Variants in REEP5 observed in about 807,000 individuals in gnomAD.
REEP5 encodes the protein receptor expression-enhancing protein 5.
A neutral mutation model predicts 22.4 loss-of-function variants in REEP5; 24 were observed. That is an observed-to-expected ratio of 1.07 (90% confidence interval 0.78 to 1.51). The LOEUF is 1.51. REEP5 is among the 40% of genes most tolerant of loss of function. The pLI is 0.00. For missense variants in REEP5, 252 were observed against 233.0 expected, an observed-to-expected ratio of 1.08 and a Z score of -0.53; for synonymous variants, 103 against 88.6, an observed-to-expected ratio of 1.16 and a Z score of -0.92.
In REEP5 at chr5:112,902,447, A is replaced by C; in HGVS notation, c.284T>G (p.Val95Gly). Residue 95 changes from valine to glycine, a missense_variant, in exon 3 of 5, where the codon GTG (valine) becomes GGG (glycine). By Grantham distance (109) the Val-to-Gly change is moderately radical. Transcript: ENST00000379638. ...QWLTYWVVYG[V>G]FSIAEFFSDI... is the part of the protein sequence containing the mutation. ...AGAGAAGAATTCAGCAATGCTGAAC[A>C]CACCATACACTACCCAGTAGGTCAG... 6.2e-7 allele frequency: 1 copy of C among 1,613,370 alleles called. No individual in the cohort carries two copies. Among genetic ancestry groups the C allele is most frequent in the Non-Finnish European group, 8.5e-7 (1 of 1,179,580 alleles).
At chr5:112,883,404 TCTC>T (rs765824253) in intron 4 of REEP5, among the ~76,000 whole-genome samples, 8 of 152,114 alleles carry the variant, frequency 5.3e-5, no homozygotes, top group Non-Finnish European at 8.8e-5. Context: ...ACAGATCACT[TCTC>T]CTCTCTGAAA....
intron 3 of REEP5, among the ~76,000 whole-genome samples, chr5:112,900,946 T>A (rs1328855778): frequency 2.0e-5 from 3 of 151,998 alleles, no homozygotes; most frequent in African/African-American, 7.2e-5. Context: ...CAAGCAGTTC[T>A]CCTGCCTCAC....
chr5:112,890,777 G>A (rs1223888916), intron 3 of REEP5, among the ~76,000 whole-genome samples: 2 of 150,738 alleles, frequency 1.3e-5, no homozygotes, highest in Non-Finnish European at 2.9e-5. Context: ...TGGACTCAAA[G>A]AAACTAACTT....
chr5:112,886,397 T>G (rs1426819631), intron 4 of REEP5, among the ~76,000 whole-genome samples: 2 of 152,208 alleles, frequency 1.3e-5, no homozygotes, highest in Non-Finnish European at 2.9e-5. Context: ...ACAAGTGTCT[T>G]AGAGTAGACA....
intron 3 of REEP5, chr5:112,893,859 A>G (rs968201967): frequency 3.3e-5 from 5 of 152,184 alleles, no homozygotes; most frequent in Non-Finnish European, 4.4e-5. Context: ...TTTCCCAGCA[A>G]CTCTGCTCTA....
chr5:112,922,163 C>G lies in REEP5; in HGVS notation c.28G>C (p.Asp10His). The G allele has an allele frequency of 1.2e-6, 2 of 1,607,994 alleles. No individual in the cohort carries two copies. The highest frequency in any genetic ancestry group is 1.7e-6 in the Non-Finnish European group (2 of 1,177,378). Reference protein sequence around the residue: MSAAMRERFDRFLHEKNCMT... With the variant: MSAAMRERFHRFLHEKNCMT... ...CAGTTCTTCTCGTGCAGGAACCGGT[C>G]GAACCTCTCCCTCATGGCCGCAGAC... The change falls in exon 1 of 5, where the codon GAC becomes CAC. Residue 10 changes from aspartate (D) to histidine (H), a missense_variant. Coordinates refer to ENST00000379638, the MANE Select transcript of REEP5 (RefSeq NM_005669.5).
In REEP5 at chr5:112,922,143, C is replaced by A. The variant is rs759760526; in HGVS notation, c.48G>T (p.Lys16Asn). 4 of 1,607,704 alleles carry A rather than the reference C, an allele frequency of 2.5e-6. 1 individual carries two copies. In the South Asian group the frequency reaches 4.4e-5, roughly 18 times the overall value. ...TGGCCAGAAGGTCAGTCATGCAGTT[C>A]TTCTCGTGCAGGAACCGGTCGAACC... The part of the protein sequence containing the change: ...RERFDRFLHE[K>N]NCMTDLLAKL... Residue 16 changes from lysine to asparagine, a missense_variant, in exon 1 of 5, where the codon AAG (lysine) becomes AAT (asparagine). Coordinates refer to ENST00000379638, the MANE Select transcript of REEP5 (RefSeq NM_005669.5).
At chr5:112,891,030 G>A (rs996909516) in intron 3 of REEP5, among the ~76,000 whole-genome samples, 5 of 150,428 alleles carry the variant, frequency 3.3e-5, no homozygotes, top group African/African-American at 1.2e-4. Context: ...TTTCAGTAGG[G>A]GAAAGCAAAT....
At chr5:112,907,498 G>A (rs75281600) in intron 2 of REEP5, among the ~76,000 whole-genome samples, 2,778 of 152,282 alleles carry the variant, frequency 0.018, 85 homozygotes, top group African/African-American at 0.063. Context: ...GATATCAAGA[G>A]AAGCCAGGGC....
chr5:112,893,094 T>TAA (rs552226372), intron 3 of REEP5: 1,627 of 498,942 alleles, frequency 3.3e-3, no homozygotes, highest in South Asian at 6.8e-3. Context: ...GTTTTGTTCT[T>TAA]AAAAAAAAAA....
chr5:112,913,379 AAGAG>A (rs912724187), intron 2 of REEP5, among the ~76,000 whole-genome samples: 4 of 34,324 alleles, frequency 1.2e-4, no homozygotes, highest in African/African-American at 9.6e-4. Flanking sequence ...AGAAGAAAGA[AAGAG>A]AAAGAAAGAG....
chr5:112,882,601 C>G (rs1455543016), intron 4 of REEP5, among the ~76,000 whole-genome samples: 1 of 152,210 alleles, frequency 6.6e-6, no homozygotes, highest in East Asian at 1.9e-4. Context: ...TTTAACACTG[C>G]CTGACAGTCC....
At chr5:112,913,391 GAGA>G (rs1561659582) in intron 2 of REEP5, among the ~76,000 whole-genome samples, 6 of 133,928 alleles carry the variant, frequency 4.5e-5, no homozygotes, top group Non-Finnish European at 9.5e-5. Context: ...GAGAAAGAAA[GAGA>G]AAGAAAGAAA....
chr5:112,877,637 T>C lies in REEP5; in HGVS notation c.*1149A>G, dbSNP rs904162236. The C allele has an allele frequency of 3.3e-5, 5 of 152,138 alleles. No individual in the cohort carries two copies. The highest frequency in any genetic ancestry group is 1.2e-4 in the African/African-American group (5 of 41,422). 9.4% of individuals were successfully genotyped at this position (152,138 alleles called of 1,614,324 possible). A position where few individuals can be genotyped will look rare whatever the true frequency, so the allele number is the denominator to read the frequency against. ...TTAAAGGCCAGAGAAAAACTGAAGATAGATTGACTTAACTATTGCCAAGCA... is the reference window on the plus strand; with the variant it reads ...TTAAAGGCCAGAGAAAAACTGAAGACAGATTGACTTAACTATTGCCAAGCA... On this transcript the variant is annotated 3_prime_UTR_variant, in exon 5 of 5. Coordinates refer to ENST00000379638, the MANE Select transcript of REEP5 (RefSeq NM_005669.5).
chr5:112,878,848 T>G lies in REEP5; in HGVS notation c.521-13A>C. On this transcript the variant is annotated splice_polypyrimidine_tract_variant and intron_variant, in intron 4 of 4. Coordinates refer to ENST00000379638, the MANE Select transcript of REEP5 (RefSeq NM_005669.5). ...GTAGCTTTCTTCGCTGTTTGTTTGTTAGGAGGGAAAGAAAAATATATCAAA... is the reference window on the plus strand; with the variant it reads ...GTAGCTTTCTTCGCTGTTTGTTTGTGAGGAGGGAAAGAAAAATATATCAAA... The G allele has an allele frequency of 6.2e-7, 1 of 1,613,982 alleles. No homozygotes were observed. Among genetic ancestry groups the G allele is most frequent in the Non-Finnish European group, 8.5e-7 (1 of 1,179,986 alleles).
rs148583569 is a variant in REEP5 at position 112,921,242 on chromosome 5, C to G, written c.133G>C (p.Val45Leu). Residue 45 changes from valine (V) to leucine (L), a missense_variant, in exon 2 of 5, where the codon GTG becomes CTG. Coordinates refer to ENST00000379638, the MANE Select transcript of REEP5 (RefSeq NM_005669.5). ...SFIALGVIGL[V>L]ALYLVFGYGA... is the part of the protein sequence containing the mutation. ...TAACCGAACACCAGGTACAAGGCCA[C>G]CAGTCCGATGACACCTGGGGACCAC... 49 of 1,614,034 alleles carry G rather than the reference C, an allele frequency of 3.0e-5. No homozygotes were observed. In the Middle Eastern group the frequency reaches 1.2e-3, roughly 38 times the overall value.
chr5:112,884,778 G>A (rs998673318), intron 4 of REEP5, among the ~76,000 whole-genome samples: 1 of 107,570 alleles, frequency 9.3e-6, no homozygotes, highest in Non-Finnish European at 1.8e-5. Flanking sequence ...TCCAGTCCTT[G>A]GCCCCCCCCC....
At chr5:112,884,797 A>G (rs930892631) in intron 4 of REEP5, among the ~76,000 whole-genome samples, 1 of 148,750 alleles carries the variant, frequency 6.7e-6, no homozygotes, top group Non-Finnish European at 1.5e-5. Flanking sequence ...CCATCTTTCT[A>G]CTTGCTTTAT....
At chr5:112,920,808 C>G (rs1379544054) in intron 2 of REEP5, among the ~76,000 whole-genome samples, 19 of 152,144 alleles carry the variant, frequency 1.2e-4, no homozygotes, top group Admixed American at 1.2e-3. Flanking sequence ...GTGAAATACT[C>G]ATTAAAATAA....
Sources: allele counts gnomAD v4.1 joint callset (sites outside exome capture counted in the v4.1 genomes callset), GRCh38; gene constraint gnomAD v4.1.1; transcripts MANE v1.5; gene names NCBI Gene and HGNC (gene_info 2026-07-23, HGNC 2026-07-21).